ICA1: variants seen among roughly 807,000 people sequenced by gnomAD.
ICA1 encodes 69 kDa islet cell autoantigen.
A neutral mutation model predicts 71.0 loss-of-function variants in ICA1; 40 were observed. That is an observed-to-expected ratio of 0.56 (90% CI 0.44 to 0.73). The LOEUF (loss-of-function observed/expected upper bound fraction) is 0.73, where lower values mean the gene tolerates loss of function less well. Among genes scored for constraint, ICA1 ranks in the 30% least tolerant of loss-of-function variants. The probability of loss-of-function intolerance (pLI) is 0.00; values close to 1 mark genes in which losing one functional copy is unlikely to be tolerated. For synonymous variants in ICA1, 207 were observed against 209.5 expected (o/e 0.99, Z 0.10); for missense variants, 578 against 576.5 (o/e 1.00, Z -0.03).
chr7:8,249,315 A>G (rs1807295858), intron 1 of ICA1, among the ~76,000 whole-genome samples: 2 of 152,372 alleles, frequency 1.3e-5, no homozygotes, highest in Middle Eastern at 6.8e-3. Flanking sequence ...TTCTAGGCAG[A>G]GGAAATGCAG....
intron 6 of ICA1, among the ~76,000 whole-genome samples, chr7:8,165,836 G>A (rs1276604005): frequency 1.3e-5 from 2 of 152,128 alleles, no homozygotes; most frequent in African/African-American, 4.8e-5. Context: ...AATTTCTACA[G>A]TGAGAATTAC....
chr7:8,229,516 C>T (rs1161267735), intron 3 of ICA1, among the ~76,000 whole-genome samples: 1 of 152,170 alleles, frequency 6.6e-6, no homozygotes, highest in African/African-American at 2.4e-5. Context: ...AACATCTTGC[C>T]TCTGTAGAGC....
At chr7:8,174,797 G>C (rs1293916219) in intron 6 of ICA1, among the ~76,000 whole-genome samples, 1 of 112,564 alleles carries the variant, frequency 8.9e-6, no homozygotes, top group Non-Finnish European at 1.9e-5. Flanking sequence ...AGAGACAAAT[G>C]AGACAATTCA....
rs114042843 is a variant in ICA1 at position 8,144,898 on chromosome 7, G to A, written c.805-926C>T. Among the ~76,000 whole-genome samples the A allele has an allele frequency of 4.3e-3, 654 of 152,136 alleles. 3 individuals are homozygous for A. The highest frequency in any genetic ancestry group is 0.015 in the African/African-American group (614 of 41,522). ...TTCTCCTGTCCTTCTCCTGCCTATC[G>A]TTCACTTGTCTGACACACATAGGAG... On this transcript the variant is annotated intron_variant, in intron 8 of 13. Coordinates refer to ENST00000402384, the MANE Select transcript of ICA1 (RefSeq NM_001136020.3). The surrounding 1 kb of genome is among the most constrained non-coding windows in gnomAD (Gnocchi z 4.5).
In ICA1 at chr7:8,230,778, T is replaced by C. The variant is rs184219083; in HGVS notation, c.183+1812A>G. ...TGCTTCCTGGTTCTACTTTCCTCCA[T>C]TGCAGAAATCTCCATTAGAACATCC... On this transcript the variant is annotated intron_variant, in intron 3 of 13. Transcript: ENST00000402384. Among the ~76,000 whole-genome samples the C allele has an allele frequency of 2.3e-3, 346 of 152,344 alleles. 1 individual carries two copies. Among genetic ancestry groups the C allele is most frequent in the African/African-American group, 7.7e-3 (322 of 41,584 alleles).
At chr7:8,165,783 A>T (rs1443000709) in intron 6 of ICA1, among the ~76,000 whole-genome samples, 2 of 152,222 alleles carry the variant, frequency 1.3e-5, no homozygotes, top group African/African-American at 4.8e-5. Context: ...TAGCCACAAA[A>T]GGAATAAAAC....
At chr7:8,117,674 G>A (rs548353109) in intron 13 of ICA1, among the ~76,000 whole-genome samples, 1 of 152,140 alleles carries the variant, frequency 6.6e-6, no homozygotes. Context: ...GCTTAAAACT[G>A]TATCCTTTTA....
chr7:8,230,406 G>A (rs1233364332), intron 3 of ICA1, among the ~76,000 whole-genome samples: 1 of 152,056 alleles, frequency 6.6e-6, no homozygotes, highest in African/African-American at 2.4e-5. Context: ...ACATCAAAGA[G>A]GTTTTCACAT....
chr7:8,151,481 A>G (rs6956040), intron 8 of ICA1, among the ~76,000 whole-genome samples: 106,233 of 152,150 alleles, frequency 0.7, 37,370 homozygotes, highest in Middle Eastern at 0.85. Context: ...CAGCTTGGGA[A>G]AAAAACAGCC....
chr7:8,228,711 G>A (rs1487058176), intron 3 of ICA1, 38 bp from the exon 4 acceptor site: 4 of 1,370,870 alleles, frequency 2.9e-6, no homozygotes, highest in Non-Finnish European at 3.1e-6. Context: ...AAATAAAACA[G>A]ACAGTGGTGA....
rs1419192312 is a variant in ICA1 at position 8,260,853 on chromosome 7, C to T, written c.-80+1241G>A. 2.0e-5 allele frequency among the ~76,000 whole-genome samples: 3 copies of T among 152,180 alleles called. No individual in the cohort carries two copies. In the East Asian group the frequency reaches 5.8e-4, roughly 29 times the overall value. On this transcript the variant is annotated intron_variant, in intron 1 of 13. Transcript: ENST00000402384. The stretch of plus-strand genomic sequence containing the variant: ...AGCCTAGATTTCAAACTAAGCATTT[C>T]TTATTTCACTCCCTAACCACAGAAC...
In ICA1 at chr7:8,158,395, G is replaced by A. The variant is rs1260974316; in HGVS notation, c.705+132C>T. 12 of 1,081,912 alleles carry A rather than the reference G, an allele frequency of 1.1e-5. No individual in the cohort carries two copies. In the East Asian group the frequency reaches 2.6e-4, roughly 24 times the overall value. The allele number at this position is 1,081,912 out of a possible 1,614,324, so 67.0% of individuals were successfully genotyped here. A position where few individuals can be genotyped will look rare whatever the true frequency, so the allele number is the denominator to read the frequency against. ...GTAGGGCCCTAGAAGGCAGAGATGTGGGAAGTGAAATTACGGAAAGGCATT... is the reference window on the plus strand; with the variant it reads ...GTAGGGCCCTAGAAGGCAGAGATGTAGGAAGTGAAATTACGGAAAGGCATT... On this transcript the variant is annotated intron_variant, in intron 7 of 13. Coordinates refer to ENST00000402384, the MANE Select transcript of ICA1 (RefSeq NM_001136020.3).
chr7:8,244,850 C>A (rs890720770), intron 1 of ICA1, among the ~76,000 whole-genome samples: 1 of 152,072 alleles, frequency 6.6e-6, no homozygotes, highest in Non-Finnish European at 1.5e-5. Context: ...AAATCAAAAC[C>A]ACAGTGAGAT....
rs550528200 is a variant in ICA1, at chr7:8,160,455, G to A, written c.580-1803C>T. Among the ~76,000 whole-genome samples, 26 of 152,234 alleles carry A rather than the reference G, an allele frequency of 1.7e-4. No individual in the cohort carries two copies. The East Asian group carries it at 4.2e-3, about 25-fold the overall frequency. ...GCAGGGCTGGCATTCTAAATTAGCCGGCCTGACTCCAAAGCCATGCTATTC... is the reference window on the plus strand; with the variant it reads ...GCAGGGCTGGCATTCTAAATTAGCCAGCCTGACTCCAAAGCCATGCTATTC... On this transcript the variant is annotated intron_variant, in intron 6 of 13. Transcript: ENST00000402384.
intron 7 of ICA1, 102 bp downstream of exon 7, chr7:8,158,425 A>C: frequency 6.8e-7 from 1 of 1,463,366 alleles, no homozygotes; most frequent in South Asian, 1.3e-5. Context: ...GGCATTCAGA[A>C]CTTCACAATG....
intron 4 of ICA1, among the ~76,000 whole-genome samples, chr7:8,225,254 T>G (rs1482830254): frequency 6.6e-6 from 1 of 152,228 alleles, no homozygotes; most frequent in East Asian, 1.9e-4. Context: ...AATTATTTTA[T>G]GAGAAAAAGC....
chr7:8,240,498 T>C (rs1039607403), intron 1 of ICA1, among the ~76,000 whole-genome samples: 3 of 152,126 alleles, frequency 2.0e-5, no homozygotes, highest in Admixed American at 6.5e-5. Context: ...CCAGAGCGCA[T>C]CTTCTCCTCC....
At position 8,218,355 on chromosome 7, in the gene ICA1, A is replaced by T. The variant is rs1405532075; in HGVS notation, c.529T>A (p.Ser177Thr). 1 of 1,614,106 alleles carries T rather than the reference A, an allele frequency of 6.2e-7. No homozygotes were observed. Among genetic ancestry groups the T allele is most frequent in the South Asian group, 1.1e-5 (1 of 91,078 alleles). Residue 177 changes from serine to threonine, a missense_variant, in exon 6 of 14, where the codon TCT becomes ACT. Physicochemically the swap from Ser to Thr is moderately conservative, Grantham distance 58. Transcript: ENST00000402384. ...TAGAGGTCTGGATCAAGCTCCTGAG[A>T]CACGTCCTTCATCCATAATAGTGCT... ...RGALLWMKDVSQELDPDLYKQ... is the reference protein window; with the variant it reads ...RGALLWMKDVTQELDPDLYKQ...
chr7:8,220,044 G>A (rs1467494889), intron 5 of ICA1, among the ~76,000 whole-genome samples: 9 of 151,960 alleles, frequency 5.9e-5, no homozygotes, highest in Non-Finnish European at 4.4e-5. Flanking sequence ...AAAAATTTTA[G>A]TTGCTTTTTA....
Sources: allele counts gnomAD v4.1 joint callset (sites outside exome capture counted in the v4.1 genomes callset), GRCh38; gene constraint gnomAD v4.1.1; non-coding constraint Gnocchi (gnomAD v3.1); transcripts MANE v1.5; gene names NCBI Gene and HGNC (gene_info 2026-07-23, HGNC 2026-07-21).